The following ARHGEF33 variants were observed in gnomAD, a reference collection of about 807,000 sequenced individuals.
ARHGEF33 encodes DH and coiled-coil domain-containing protein ENSP00000381780.
A neutral mutation model predicts 101.9 loss-of-function variants in ARHGEF33; 72 were observed. The ratio of observed to expected loss-of-function variants is 0.71; its 90% CI spans 0.58 to 0.86. The LOEUF (loss-of-function observed/expected upper bound fraction) is 0.86, where lower values mean the gene tolerates loss of function less well. Among genes scored for constraint, ARHGEF33 ranks in the 40% least tolerant of loss-of-function variants. ARHGEF33 has a pLI of 0.00. For synonymous variants in ARHGEF33, 499 were observed against 442.5 expected (o/e 1.13, Z -1.60); for missense variants, 1,169 against 1,111.3 (o/e 1.05, Z -0.74).
At position 38,931,261 on chromosome 2, in the gene ARHGEF33, A is replaced by G. The variant is rs775001988; in HGVS notation, c.505+10A>G. ...CAGGCCTACGAGAAAGGTACAGTTC[A>G]CAAATCATACTGAATTAATCAAGTA... On this transcript the variant is annotated intron_variant, in intron 7 of 17. Transcript: ENST00000409978. 3.3e-5 allele frequency: 51 copies of G among 1,540,882 alleles called. No individual in the cohort carries two copies. In the African/African-American group the frequency reaches 5.8e-4, roughly 18 times the overall value.
chr2:38,959,834 C>A lies in ARHGEF33; in HGVS notation c.1536-7C>A, dbSNP rs900228494. Reference sequence around the variant, plus strand: ...CAGCTCTTTTGTACTCTGTTTTCCCCCTAAAGACATCTGATGCCCCCAGTG... The same window carrying A: ...CAGCTCTTTTGTACTCTGTTTTCCCACTAAAGACATCTGATGCCCCCAGTG... On this transcript the variant is annotated splice_polypyrimidine_tract_variant and splice_region_variant and intron_variant, in intron 15 of 17. Transcript: ENST00000409978. 4.5e-6 allele frequency: 7 copies of A among 1,540,986 alleles called. No individual in the cohort carries two copies. Among genetic ancestry groups the A allele is most frequent in the East Asian group, 4.9e-5 (2 of 40,764 alleles).
intron 1 of ARHGEF33, among the ~76,000 whole-genome samples, chr2:38,890,675 A>G (rs188790900): frequency 6.5e-4 from 99 of 152,328 alleles, no homozygotes; most frequent in African/African-American, 2.1e-3. Flanking sequence ...AGTATTCTGA[A>G]TATGTAGAAA....
intron 14 of ARHGEF33, among the ~76,000 whole-genome samples, chr2:38,957,570 G>C (rs1374556419): frequency 6.6e-6 from 1 of 152,200 alleles, no homozygotes; most frequent in Non-Finnish European, 1.5e-5. Context: ...AAATAAGGGA[G>C]AGGAATTTCA....
chr2:38,918,643 C>T (rs6544182), intron 2 of ARHGEF33, among the ~76,000 whole-genome samples: 15,532 of 152,128 alleles, frequency 0.1, 2,431 homozygotes, highest in African/African-American at 0.33. Flanking sequence ...AAGGAGTCTA[C>T]CAGATGCCGA....
At chr2:38,901,513 C>A (rs1198061244) in intron 2 of ARHGEF33, among the ~76,000 whole-genome samples, 3 of 152,216 alleles carry the variant, frequency 2.0e-5, no homozygotes, top group Non-Finnish European at 2.9e-5. Context: ...ACCTTGGAAG[C>A]TAACACATCC....
chr2:38,928,911 A>G lies in ARHGEF33; in HGVS notation c.80A>G (p.Gln27Arg). The stretch of plus-strand genomic sequence containing the variant: ...AACTTTTCATGCATTATTTAGTTGC[A>G]GGCCCTAGCCTCCGAACTCAAAACT... The part of the protein sequence containing the change: ...NNPSTQIYQL[Q>R]ALASELKTGF... Residue 27 changes from glutamine to arginine, a missense_variant, in exon 5 of 18, where the codon CAG (glutamine) becomes CGG (arginine). Gln to Arg is a conservative substitution (Grantham distance 43). Transcript: ENST00000409978. 2 of 1,546,668 alleles carry G rather than the reference A, an allele frequency of 1.3e-6. No homozygotes were observed. Among genetic ancestry groups the G allele is most frequent in the South Asian group, 2.4e-5 (2 of 82,702 alleles).
intron 1 of ARHGEF33, among the ~76,000 whole-genome samples, chr2:38,894,796 G>A (rs1251723969): frequency 6.6e-6 from 1 of 152,122 alleles, no homozygotes; most frequent in Non-Finnish European, 1.5e-5. Context: ...TGAGGAAGAG[G>A]GGAATACAGT....
intron 9 of ARHGEF33, among the ~76,000 whole-genome samples, chr2:38,940,926 G>A (rs957177055): frequency 6.6e-6 from 1 of 152,158 alleles, no homozygotes; most frequent in African/African-American, 2.4e-5. Context: ...GAGGGCCACA[G>A]GACTAGTTGA....
chr2:38,938,443 G>C (rs1268499600), intron 9 of ARHGEF33, among the ~76,000 whole-genome samples: 2 of 152,206 alleles, frequency 1.3e-5, no homozygotes, highest in African/African-American at 4.8e-5. Context: ...GGAGTCCAAG[G>C]TAGGAGGATC....
At chr2:38,893,721 T>A (rs905040000) in intron 1 of ARHGEF33, among the ~76,000 whole-genome samples, 2 of 152,260 alleles carry the variant, frequency 1.3e-5, no homozygotes, top group Admixed American at 6.5e-5. Flanking sequence ...CAATGCCTTT[T>A]ATGTGGTATA....
At chr2:38,914,187 C>A (rs1214684548) in intron 2 of ARHGEF33, among the ~76,000 whole-genome samples, 1 of 152,162 alleles carries the variant, frequency 6.6e-6, no homozygotes, top group African/African-American at 2.4e-5. Flanking sequence ...TTTTGGAAAG[C>A]AGCCTAGCCA....
At chr2:38,928,144 C>T (rs1666914605) in intron 4 of ARHGEF33, among the ~76,000 whole-genome samples, 1 of 152,146 alleles carries the variant, frequency 6.6e-6, no homozygotes, top group African/African-American at 2.4e-5. Flanking sequence ...AACCAACATG[C>T]CTAAGGTCCT....
chr2:38,966,213 CAAT>C, intron 17 of ARHGEF33, 68 bp downstream of exon 17: 2 of 1,511,034 alleles, frequency 1.3e-6, no homozygotes, highest in Non-Finnish European at 1.8e-6. Context: ...GAGGTTTTAA[CAAT>C]AATAAGTATC....
chr2:38,958,920 CTT>C (rs1288384504), intron 15 of ARHGEF33, among the ~76,000 whole-genome samples: 1 of 151,974 alleles, frequency 6.6e-6, no homozygotes, highest in Non-Finnish European at 1.5e-5. Context: ...AATTTTTGTA[CTT>C]TTAGTAGAGA....
At chr2:38,954,983 G>A (rs1458730470) in intron 13 of ARHGEF33, among the ~76,000 whole-genome samples, 1 of 152,076 alleles carries the variant, frequency 6.6e-6, no homozygotes, top group Non-Finnish European at 1.5e-5. Flanking sequence ...TACCTCTGAA[G>A]TTCTATCTTT....
chr2:38,922,725 T>G (rs1309676019), intron 4 of ARHGEF33, among the ~76,000 whole-genome samples: 1 of 152,170 alleles, frequency 6.6e-6, no homozygotes, highest in East Asian at 1.9e-4. Flanking sequence ...GAATAATAGC[T>G]CTTACAAGGT....
At chr2:38,898,576 A>G (rs1319662017) in intron 2 of ARHGEF33, among the ~76,000 whole-genome samples, 1 of 152,236 alleles carries the variant, frequency 6.6e-6, no homozygotes, top group East Asian at 1.9e-4. Context: ...TATTGCTTTT[A>G]TAATTGAGAT....
intron 7 of ARHGEF33, among the ~76,000 whole-genome samples, chr2:38,934,287 C>A (rs995864883): frequency 6.6e-6 from 1 of 152,174 alleles, no homozygotes; most frequent in Admixed American, 6.5e-5. Context: ...GATTCCTCAT[C>A]ACCCTCAGAA....
At chr2:38,971,738 C>A (rs528551585) in intron 17 of ARHGEF33, 6 of 691,282 alleles carry the variant, frequency 8.7e-6, no homozygotes, top group Non-Finnish European at 1.6e-5. Context: ...TAATTAATAT[C>A]AAGAAATGCA....
Sources: gnomAD v4.1 joint callset for allele counts (sites outside exome capture counted in the v4.1 genomes callset) on GRCh38, gnomAD v4.1.1 for gene constraint, MANE v1.5 for transcripts, NCBI Gene and HGNC (gene_info 2026-07-23, HGNC 2026-07-21) for gene names.